Variants in GLI3 observed in about 807,000 individuals in gnomAD.
GLI3 encodes GLI family zinc finger 3.
A neutral mutation model predicts 100.8 loss-of-function variants in GLI3; 20 were observed. The ratio of observed to expected loss-of-function variants is 0.20; its 90% CI spans 0.14 to 0.29. The LOEUF (loss-of-function observed/expected upper bound fraction) is 0.29, where lower values mean the gene tolerates loss of function less well. Ranked by LOEUF, GLI3 falls within the 10% of genes least tolerant of loss-of-function variation. The pLI, the probability that GLI3 is intolerant of heterozygous loss-of-function variation, is 1.00. For missense variants in GLI3, 2,040 were observed against 2,128.5 expected, an observed-to-expected ratio of 0.96 and a Z score of 0.82; for synonymous variants, 938 against 860.5, an observed-to-expected ratio of 1.09 and a Z score of -1.58.
chr7:42,060,897 C>A (rs997793241), intron 4 of GLI3, among the ~76,000 whole-genome samples: 2 of 152,184 alleles, frequency 1.3e-5, no homozygotes, highest in African/African-American at 4.8e-5. Context: ...ACTTTTGAGT[C>A]TGAGCCATAA....
chr7:42,073,302 C>CTT (rs1359128850), intron 4 of GLI3, among the ~76,000 whole-genome samples: 42 of 152,284 alleles, frequency 2.8e-4, no homozygotes, highest in Non-Finnish European at 4.4e-4. Context: ...AAGCTGAAGG[C>CTT]ATTCCGTTTA....
At chr7:42,041,481 G>T (rs1236829681) in intron 6 of GLI3, among the ~76,000 whole-genome samples, 1 of 152,140 alleles carries the variant, frequency 6.6e-6, no homozygotes, top group African/African-American at 2.4e-5. Flanking sequence ...TTTAATGAAC[G>T]AATGAGAACA....
intron 3 of GLI3, among the ~76,000 whole-genome samples, chr7:42,131,596 A>G (rs1786278226): frequency 6.6e-6 from 1 of 152,196 alleles, no homozygotes; most frequent in African/African-American, 2.4e-5. Context: ...AAATCAATCT[A>G]TGGACAAAAA....
At chr7:42,048,431 G>C (rs541213736) in intron 5 of GLI3, 60 bp downstream of exon 5, 11 of 1,118,872 alleles carry the variant, frequency 9.8e-6, no homozygotes, top group Non-Finnish European at 2.7e-6. Context: ...TACACGTCCC[G>C]AGTGAGGAGC....
At position 42,198,090 on chromosome 7, in the gene GLI3, C is replaced by T. The variant is rs1787967127; in HGVS notation, c.124+25040G>A. On this transcript the variant is annotated intron_variant, in intron 2 of 14. Coordinates refer to ENST00000395925, the MANE Select transcript of GLI3 (RefSeq NM_000168.6). The stretch of plus-strand genomic sequence containing the variant: ...AATTCTTCCAGGTGTGGCTTAAGGT[C>T]ATTTTTATACCTACTCATTCATTCC... Among the ~76,000 whole-genome samples the T allele has an allele frequency of 2.0e-5, 3 of 152,226 alleles. No homozygotes were observed. The South Asian group carries it at 6.2e-4, about 32-fold the overall frequency.
chr7:42,179,459 T>C (rs755702964), intron 2 of GLI3, among the ~76,000 whole-genome samples: 3 of 150,978 alleles, frequency 2.0e-5, no homozygotes, highest in Non-Finnish European at 3.0e-5. Flanking sequence ...CTTGGGTGAG[T>C]TTTAAGCAGG....
At chr7:42,202,080 CAAAAAAA>C (rs35682171) in intron 2 of GLI3, among the ~76,000 whole-genome samples, 119 of 92,202 alleles carry the variant, frequency 1.3e-3, no homozygotes, top group African/African-American at 4.8e-3. Context: ...GACTCCGTCT[CAAAAAAA>C]AAAAAAAAAA....
intron 4 of GLI3, among the ~76,000 whole-genome samples, chr7:42,058,423 T>C (rs1448979953): frequency 6.6e-6 from 1 of 152,238 alleles, no homozygotes; most frequent in African/African-American, 2.4e-5. Flanking sequence ...AAAGGATACA[T>C]GCCAAATACA....
chr7:42,086,728 C>T (rs77899303), intron 3 of GLI3, among the ~76,000 whole-genome samples: 216 of 152,212 alleles, frequency 1.4e-3, no homozygotes, highest in African/African-American at 4.8e-3. Flanking sequence ...TCCATGGGAT[C>T]GAGTGCTCCT....
intron 2 of GLI3, among the ~76,000 whole-genome samples, chr7:42,178,422 T>A (rs1263309943): frequency 1.3e-5 from 2 of 152,152 alleles, no homozygotes; most frequent in African/African-American, 4.8e-5. Flanking sequence ...CTGGAATATG[T>A]GTCTTTGAAA....
intron 2 of GLI3, among the ~76,000 whole-genome samples, chr7:42,214,040 C>A (rs1009020331): frequency 6.6e-6 from 1 of 152,206 alleles, no homozygotes; most frequent in African/African-American, 2.4e-5. Flanking sequence ...ATAAAAGAAG[C>A]CCGTCTCCAC....
intron 2 of GLI3, among the ~76,000 whole-genome samples, chr7:42,198,002 C>A (rs1041809223): frequency 2.0e-5 from 3 of 152,114 alleles, no homozygotes; most frequent in African/African-American, 7.2e-5. Flanking sequence ...ACTCTGCAAA[C>A]GCATCTTAAC....
chr7:41,992,881 T>G (rs1390699163), intron 10 of GLI3, among the ~76,000 whole-genome samples: 1 of 152,162 alleles, frequency 6.6e-6, no homozygotes, highest in Non-Finnish European at 1.5e-5. Context: ...TGTTGGAGTG[T>G]GGGCTTAAGC....
chr7:42,023,599 C>T lies in GLI3; in HGVS notation c.1366G>A (p.Glu456Lys), dbSNP rs200230864. 21 of 1,446,308 alleles carry T rather than the reference C, an allele frequency of 1.5e-5. No individual in the cohort carries two copies. The highest frequency in any genetic ancestry group is 1.5e-5 in the Non-Finnish European group (16 of 1,044,310). 89.6% of individuals were successfully genotyped at this position (1,446,308 alleles called of 1,614,324 possible). The change falls in exon 10 of 15, where the codon GAA (glutamate) becomes AAA (lysine). Residue 456 changes from glutamate (E) to lysine (K), a missense_variant. This residue lies in a region of GLI3 where 603 missense variants were observed against 690.9 expected (regional missense o/e 0.87). Coordinates refer to ENST00000395925, the MANE Select transcript of GLI3 (RefSeq NM_000168.6). ...PGARGQQEQPEGTTLVKEEGD... is the reference protein window; with the variant it reads ...PGARGQQEQPKGTTLVKEEGD... ...TCCTCCTTGACAAGGGTTGTTCCTTCGGGCTGTTCCTGAAAGAAGAGGGTG... is the reference window on the plus strand; with the variant it reads ...TCCTCCTTGACAAGGGTTGTTCCTTTGGGCTGTTCCTGAAAGAAGAGGGTG...
chr7:42,118,248 C>T (rs931473457), intron 3 of GLI3: 1 of 398,382 alleles, frequency 2.5e-6, no homozygotes, highest in African/African-American at 2.1e-5. Context: ...AAATAGTTTC[C>T]ACGGATGGCA....
chr7:42,264,107 A>C (rs1193546875), upstream of GLI3, among the ~76,000 whole-genome samples: 14 of 152,140 alleles, frequency 9.2e-5, 1 homozygote, highest in Admixed American at 9.2e-4. Context: ...TTCCCTACCC[A>C]AAAATGTCCA....
intron 1 of GLI3, among the ~76,000 whole-genome samples, chr7:42,262,512 G>C (rs1430364263): frequency 1.3e-5 from 2 of 151,974 alleles, no homozygotes; most frequent in African/African-American, 4.8e-5. Flanking sequence ...CTCCTGCCCC[G>C]GCCTCCCAAA....
rs1021369311 is a variant in GLI3 at position 42,040,315 on chromosome 7, G to A, written c.827-76C>T. 3.8e-5 allele frequency: 41 copies of A among 1,083,774 alleles called. 1 individual carries two copies. Among genetic ancestry groups the A allele is most frequent in the South Asian group, 1.2e-4 (9 of 78,212 alleles). 67.1% of individuals were successfully genotyped at this position (1,083,774 alleles called of 1,614,324 possible). A position where few individuals can be genotyped will look rare whatever the true frequency, so the allele number is the denominator to read the frequency against. On this transcript the variant is annotated intron_variant, in intron 6 of 14. Coordinates refer to ENST00000395925, the MANE Select transcript of GLI3 (RefSeq NM_000168.6). ...CAGCTATTTATTGCTACTTGCCTAC[G>A]TGGAAGAAGTGAAGGATAAGAAGCT...
At chr7:42,240,081 CA>C (rs891687543), upstream of GLI3, among the ~76,000 whole-genome samples, 1 of 152,100 alleles carries the variant, frequency 6.6e-6, no homozygotes, top group African/African-American at 2.4e-5. Flanking sequence ...TGTAAAAACC[CA>C]AAGACACCCA....
Sources: allele counts gnomAD v4.1 joint callset (sites outside exome capture counted in the v4.1 genomes callset), GRCh38; gene constraint gnomAD v4.1.1; regional missense constraint gnomAD v4.1.1; transcripts MANE v1.5; gene names NCBI Gene and HGNC (gene_info 2026-07-23, HGNC 2026-07-21).